Variants in RALGPS1 observed in about 807,000 individuals in gnomAD.
RALGPS1 encodes ras-specific guanine nucleotide-releasing factor RalGPS1.
Under a neutral mutation model 78.8 loss-of-function variants are expected in RALGPS1, and 19 were observed. The observed-to-expected ratio is 0.24, with a 90% CI of 0.17 to 0.35. RALGPS1 has a LOEUF of 0.35. Among genes scored for constraint, RALGPS1 ranks in the 10% least tolerant of loss-of-function variants. The pLI is 1.00. For synonymous variants in RALGPS1, 228 were observed against 256.3 expected (o/e 0.89, Z 1.06); for missense variants, 454 against 688.3 (o/e 0.66, Z 3.81).
chr9:127,203,075 A>G (rs923190521), intron 14 of RALGPS1, among the ~76,000 whole-genome samples: 1 of 152,236 alleles, frequency 6.6e-6, no homozygotes, highest in African/African-American at 2.4e-5. Flanking sequence ...TTGGAAAGCA[A>G]GTGTTGGCAC....
intron 8 of RALGPS1, among the ~76,000 whole-genome samples, chr9:127,153,051 C>G (rs945967222): frequency 6.6e-6 from 1 of 152,172 alleles, no homozygotes; most frequent in African/African-American, 2.4e-5. Context: ...CTCAGGTTTT[C>G]GTAGTTTTCT....
intron 11 of RALGPS1, among the ~76,000 whole-genome samples, chr9:127,175,956 A>G (rs2059845073): frequency 6.6e-6 from 1 of 152,150 alleles, no homozygotes; most frequent in Admixed American, 6.6e-5. Flanking sequence ...CCATAGGGCC[A>G]GTGTGGCAGC....
At chr9:127,210,416 C>A in intron 14 of RALGPS1, 1 of 477,598 alleles carries the variant, frequency 2.1e-6, no homozygotes, top group Non-Finnish European at 3.8e-6. Context: ...GGATTTTAAT[C>A]ATGCTCTTGA....
chr9:127,088,790 C>A (rs529608523), intron 8 of RALGPS1: 5 of 860,180 alleles, frequency 5.8e-6, no homozygotes, highest in Non-Finnish European at 9.2e-6. Flanking sequence ...TTCCATCATC[C>A]GCTGCAGTGA....
chr9:127,180,057 CTG>C (rs1332637760), intron 11 of RALGPS1, among the ~76,000 whole-genome samples: 1 of 152,182 alleles, frequency 6.6e-6, no homozygotes, highest in Non-Finnish European at 1.5e-5. Context: ...GTTTCTGTGT[CTG>C]TGGAGAAAAA....
At chr9:127,148,814 C>T (rs890990711) in intron 8 of RALGPS1, among the ~76,000 whole-genome samples, 6 of 152,274 alleles carry the variant, frequency 3.9e-5, no homozygotes, top group African/African-American at 1.2e-4. Context: ...GTTCTCAAGG[C>T]GGTTGCATGC....
chr9:127,162,439 C>A (rs1255387121), intron 8 of RALGPS1, among the ~76,000 whole-genome samples: 1 of 152,188 alleles, frequency 6.6e-6, no homozygotes, highest in East Asian at 1.9e-4. Context: ...GAAAAGATTT[C>A]TGTGGATTTG....
chr9:127,177,464 G>A (rs1339122132), intron 11 of RALGPS1, among the ~76,000 whole-genome samples: 1 of 152,210 alleles, frequency 6.6e-6, no homozygotes, highest in South Asian at 2.1e-4. Context: ...TTCCCCTCCA[G>A]GCATCTATGT....
intron 4 of RALGPS1, among the ~76,000 whole-genome samples, chr9:127,032,838 A>AT (rs1453930001): frequency 2.0e-5 from 3 of 152,230 alleles, no homozygotes; most frequent in Non-Finnish European, 4.4e-5. Context: ...AAAAATAAAA[A>AT]TTAAAAAAAG....
chr9:127,103,206 G>A (rs893947705), intron 8 of RALGPS1, among the ~76,000 whole-genome samples: 8 of 152,250 alleles, frequency 5.3e-5, no homozygotes, highest in African/African-American at 1.7e-4. Context: ...CCACAATCGT[G>A]TACGTATTTC....
In RALGPS1 at chr9:127,022,754, C is replaced by G. The variant is rs2045583025; in HGVS notation, c.217-11677C>G. Among the ~76,000 whole-genome samples, 3 of 152,298 alleles carry G rather than the reference C, an allele frequency of 2.0e-5. No individual in the cohort carries two copies. The South Asian group carries it at 6.2e-4, about 32-fold the overall frequency. ...CCCTAGATACCTGCAGAGCATGCTCCTTTACCTCATTCCTGTCTCTACTCC... is the reference window on the plus strand; with the variant it reads ...CCCTAGATACCTGCAGAGCATGCTCGTTTACCTCATTCCTGTCTCTACTCC... On this transcript the variant is annotated intron_variant, in intron 4 of 18. Transcript: ENST00000259351.
intron 4 of RALGPS1, among the ~76,000 whole-genome samples, chr9:127,012,522 G>A (rs1021950114): frequency 2.1e-4 from 32 of 152,170 alleles, no homozygotes; most frequent in African/African-American, 7.2e-4. Flanking sequence ...TTTCAGACCC[G>A]GGTGACACCA....
At chr9:127,083,051 A>G (rs1335380291) in intron 8 of RALGPS1, among the ~76,000 whole-genome samples, 1 of 152,188 alleles carries the variant, frequency 6.6e-6, no homozygotes, top group African/African-American at 2.4e-5. Context: ...GGGCTGGGGA[A>G]TAGGATCCCA....
intron 1 of RALGPS1, among the ~76,000 whole-genome samples, chr9:126,951,112 A>G (rs2037772695): frequency 6.6e-6 from 1 of 152,150 alleles, no homozygotes; most frequent in African/African-American, 2.4e-5. Flanking sequence ...CCCAAGTCTA[A>G]ACCAGGAAGA....
At chr9:127,047,630 C>T (rs552601450) in intron 5 of RALGPS1, among the ~76,000 whole-genome samples, 90 of 150,464 alleles carry the variant, frequency 6.0e-4, no homozygotes, top group African/African-American at 2.0e-3. Context: ...TCCCAGGTGG[C>T]GGAGGTTGCA....
chr9:127,211,559 G>T lies in RALGPS1; in HGVS notation c.1248-572G>T, dbSNP rs979604827. The stretch of plus-strand genomic sequence containing the variant: ...CGGCAGATCCGGAGCTCAGGAGGGA[G>T]GTGTGGGCTGCCATGCCCTTGGACG... On this transcript the variant is annotated intron_variant, in intron 14 of 18. Coordinates refer to ENST00000259351, the MANE Select transcript of RALGPS1 (RefSeq NM_014636.3). This position sits in a 1 kb window ranked among gnomAD's most constrained non-coding sequence, Gnocchi z 5.0. 6.6e-6 allele frequency among the ~76,000 whole-genome samples: 1 copy of T among 152,174 alleles called. No homozygotes were observed. The highest frequency in any genetic ancestry group is 2.4e-5 in the African/African-American group (1 of 41,432).
At chr9:127,048,664 A>G (rs963909325) in intron 5 of RALGPS1, among the ~76,000 whole-genome samples, 5 of 152,264 alleles carry the variant, frequency 3.3e-5, no homozygotes, top group African/African-American at 4.8e-5. Context: ...GCAGGAATCT[A>G]CTAAATTGTA....
chr9:126,931,831 A>AAAAT (rs1353561251), intron 1 of RALGPS1, among the ~76,000 whole-genome samples: 1 of 152,252 alleles, frequency 6.6e-6, no homozygotes, highest in African/African-American at 2.4e-5. Flanking sequence ...TAATTGTAAA[A>AAAAT]AAATAAGAAA....
At chr9:126,972,791 C>T (rs936205366) in intron 3 of RALGPS1, among the ~76,000 whole-genome samples, 1 of 152,176 alleles carries the variant, frequency 6.6e-6, no homozygotes, top group Non-Finnish European at 1.5e-5. Context: ...TCGGCTGGGG[C>T]AGTGGCTCAC....
Sources: allele counts gnomAD v4.1 joint callset (sites outside exome capture counted in the v4.1 genomes callset), GRCh38; gene constraint gnomAD v4.1.1; non-coding constraint Gnocchi (gnomAD v3.1); transcripts MANE v1.5; gene names NCBI Gene and HGNC (gene_info 2026-07-23, HGNC 2026-07-21).